RFC3: variants seen among roughly 807,000 people sequenced by gnomAD.
RFC3 encodes the protein A1 38 kDa subunit.
A neutral mutation model predicts 45.1 loss-of-function variants in RFC3; 41 were observed. That is an observed-to-expected ratio of 0.91 (90% CI 0.71 to 1.18). RFC3 has a LOEUF of 1.18. Among genes scored for constraint, RFC3 ranks in the 50% most tolerant of loss-of-function variants. The pLI is 0.00. For synonymous variants in RFC3, 149 were observed against 144.0 expected, an observed-to-expected ratio of 1.03 and a Z score of -0.25; for missense variants, 423 against 428.1, an observed-to-expected ratio of 0.99 and a Z score of 0.10.
At chr13:33,959,405 A>C (rs1445319267) in intron 8 of RFC3, among the ~76,000 whole-genome samples, 1 of 152,160 alleles carries the variant, frequency 6.6e-6, no homozygotes, top group African/African-American at 2.4e-5. Context: ...TGACCTAGAC[A>C]CAAATGACGA....
At chr13:33,959,555 C>T (rs1451667213) in intron 8 of RFC3, among the ~76,000 whole-genome samples, 3 of 152,120 alleles carry the variant, frequency 2.0e-5, no homozygotes, top group Admixed American at 1.3e-4. Flanking sequence ...AGTGAGTCTC[C>T]CCACTCTCAG....
At chr13:33,872,631 G>T (rs951698819) in intron 8 of RFC3, among the ~76,000 whole-genome samples, 5 of 152,188 alleles carry the variant, frequency 3.3e-5, no homozygotes, top group African/African-American at 1.2e-4. Flanking sequence ...TACTCGGGAG[G>T]CTGAGGATGG....
chr13:33,851,628 C>G (rs1374326549), intron 8 of RFC3, among the ~76,000 whole-genome samples: 3 of 152,028 alleles, frequency 2.0e-5, no homozygotes, highest in African/African-American at 7.2e-5. Flanking sequence ...TTTGCTGTCT[C>G]AGGGGTGGCA....
chr13:33,862,551 C>T (rs2082347788), intron 8 of RFC3, among the ~76,000 whole-genome samples: 1 of 151,942 alleles, frequency 6.6e-6, no homozygotes, highest in African/African-American at 2.4e-5. Context: ...CAGTATGTTT[C>T]CCACTGATTC....
At position 33,908,993 on chromosome 13, in the gene RFC3, A is replaced by G. The variant is rs79985044; in HGVS notation, c.880-57094A>G. ...GCCCACCACAGTGGGGAAAGCCATC[A>G]GCTTTACATAGTCTACTGATTCAAA... On this transcript the variant is annotated intron_variant, in intron 8 of 8. Transcript: ENST00000434425. Among the ~76,000 whole-genome samples the G allele has an allele frequency of 9.9e-3, 1,500 of 152,206 alleles. 26 individuals are homozygous for G. Among genetic ancestry groups the G allele is most frequent in the African/African-American group, 0.034 (1,398 of 41,570 alleles).
intron 8 of RFC3, chr13:33,848,770 G>A (rs1243299427): frequency 6.6e-6 from 1 of 151,988 alleles, no homozygotes; most frequent in Non-Finnish European, 1.5e-5. Context: ...AAGCATGGGT[G>A]TCATTCAAAA....
chr13:33,937,987 C>T (rs865960463), intron 8 of RFC3, among the ~76,000 whole-genome samples: 18 of 151,952 alleles, frequency 1.2e-4, no homozygotes, highest in African/African-American at 4.1e-4. Flanking sequence ...GCTTGCTTAT[C>T]CAGAAGATCA....
intron 8 of RFC3, among the ~76,000 whole-genome samples, chr13:33,890,722 T>A (rs1215540885): frequency 6.6e-6 from 1 of 152,178 alleles, no homozygotes; most frequent in African/African-American, 2.4e-5. Context: ...TTATTGATGA[T>A]GAAACTGAGA....
intron 8 of RFC3, among the ~76,000 whole-genome samples, chr13:33,959,728 G>T (rs1030587457): frequency 2.6e-5 from 4 of 152,168 alleles, no homozygotes; most frequent in African/African-American, 4.8e-5. Context: ...TACCACCAAG[G>T]TATGGCTTTA....
At position 33,831,388 on chromosome 13, in the gene RFC3, A is replaced by G. The variant is rs1210117416; in HGVS notation, c.809+34A>G. The G allele has an allele frequency of 2.7e-6, 3 of 1,121,634 alleles. No individual in the cohort carries two copies. In the East Asian group the frequency reaches 7.1e-5, roughly 26 times the overall value. 69.5% of individuals were successfully genotyped at this position (1,121,634 alleles called of 1,614,324 possible). On this transcript the variant is annotated intron_variant, in intron 7 of 8. Coordinates refer to ENST00000380071, the MANE Select transcript of RFC3 (RefSeq NM_002915.4). ...ATAAAATGATGACAGTAAAGCTTTC[A>G]TTATCAGGATATCATAGGACACATA...
At chr13:33,928,715 T>C (rs1480868630) in intron 8 of RFC3, among the ~76,000 whole-genome samples, 1 of 152,118 alleles carries the variant, frequency 6.6e-6, no homozygotes, top group Non-Finnish European at 1.5e-5. Context: ...ACAAGTCCAA[T>C]AGCAGCTTGC....
At chr13:33,881,645 A>G (rs969707477) in intron 8 of RFC3, among the ~76,000 whole-genome samples, 1 of 152,038 alleles carries the variant, frequency 6.6e-6, no homozygotes, top group Non-Finnish European at 1.5e-5. Context: ...GAGTCACTCC[A>G]TCTTCAAATC....
intron 8 of RFC3, among the ~76,000 whole-genome samples, chr13:33,883,388 T>C (rs1240141936): frequency 2.6e-5 from 4 of 152,210 alleles, no homozygotes; most frequent in Non-Finnish European, 5.9e-5. Context: ...TCACCTTTCC[T>C]TTAAGGGTTA....
rs149032997 is a variant in RFC3 at position 33,871,314 on chromosome 13, T to A, written c.879+36097T>A. Among the ~76,000 whole-genome samples, 369 of 152,332 alleles carry A rather than the reference T, an allele frequency of 2.4e-3. 2 individuals are homozygous for A. The highest frequency in any genetic ancestry group is 8.6e-3 in the African/African-American group (359 of 41,578). ...TTCTCACTGGGCTAAAGTCAAGGTG[T>A]CAGCAGGGCTGGTTGCTCCCAGAAG... On this transcript the variant is annotated intron_variant, in intron 8 of 8. Coordinates refer to the RFC3 transcript ENST00000434425.
intron 8 of RFC3, among the ~76,000 whole-genome samples, chr13:33,883,828 A>G (rs1358674463): frequency 2.0e-5 from 3 of 152,160 alleles, no homozygotes; most frequent in African/African-American, 7.2e-5. Flanking sequence ...AAACAACACT[A>G]ATGGGTACTA....
Position 33,863,399 on chromosome 13 carries a change from G to T in RFC3, c.879+28182G>T, listed in dbSNP as rs532821052. Among the ~76,000 whole-genome samples the T allele has an allele frequency of 3.3e-5, 5 of 152,284 alleles. No homozygotes were observed. The South Asian group carries it at 1.0e-3, about 32-fold the overall frequency. On this transcript the variant is annotated intron_variant, in intron 8 of 8. Coordinates refer to the RFC3 transcript ENST00000434425. ...TAGCACTCTTCCCCACCCCGCCTAG[G>T]TTGCATTTATGGGAGGAGGAAGGGT...
At chr13:33,968,669 A>G (rs2083098805), downstream of RFC3, among the ~76,000 whole-genome samples, 1 of 152,226 alleles carries the variant, frequency 6.6e-6, no homozygotes, top group South Asian at 2.1e-4. Context: ...ACTCCAAGAA[A>G]TGATTGTGCA....
the RFC3 span, among the ~76,000 whole-genome samples, chr13:33,974,014 C>T: frequency 2.0e-5 from 3 of 152,042 alleles, no homozygotes; most frequent in Non-Finnish European, 4.4e-5. Context: ...TCCCATAGGC[C>T]ATGTGCTCTA....
At chr13:33,894,663 G>A (rs1242416023) in intron 8 of RFC3, among the ~76,000 whole-genome samples, 1 of 152,156 alleles carries the variant, frequency 6.6e-6, no homozygotes, top group African/African-American at 2.4e-5. Context: ...GGTTCTGAGC[G>A]CAGATTGTCT....
Sources: allele counts gnomAD v4.1 joint callset (sites outside exome capture counted in the v4.1 genomes callset), GRCh38; gene constraint gnomAD v4.1.1; transcripts MANE v1.5; gene names NCBI Gene and HGNC (gene_info 2026-07-23, HGNC 2026-07-21).